KANK1: variants seen among roughly 807,000 people sequenced by gnomAD.
The protein encoded by KANK1 is KN motif and ankyrin repeat domains 1.
In KANK1, 109 loss-of-function variants were observed where a neutral mutation model predicts 106.2. The ratio of observed to expected loss-of-function variants is 1.03; its 90% CI spans 0.88 to 1.20. KANK1 has a LOEUF of 1.20. Ranked by LOEUF, KANK1 falls within the 50% of genes most tolerant of loss-of-function variation. The pLI, the probability that KANK1 is intolerant of heterozygous loss-of-function variation, is 0.00. For synonymous variants in KANK1, 873 were observed against 652.2 expected, an observed-to-expected ratio of 1.34 and a Z score of -5.16; for missense variants, 2,399 against 1,710.7, an observed-to-expected ratio of 1.40 and a Z score of -7.10.
intron 7 of KANK1, chr9:735,849 G>T (rs1330143056): frequency 1.2e-5 from 4 of 324,798 alleles, no homozygotes; most frequent in African/African-American, 2.1e-5. Flanking sequence ...CAAAAAGTTA[G>T]CCAGGCATGG....
chr9:619,556 C>T (rs544887663), intron 1 of KANK1, among the ~76,000 whole-genome samples: 2 of 152,098 alleles, frequency 1.3e-5, no homozygotes, highest in African/African-American at 4.8e-5. Flanking sequence ...ACCAGTTTTG[C>T]TACTGTATAA....
intron 1 of KANK1, among the ~76,000 whole-genome samples, chr9:621,599 T>C (rs1588324522): frequency 6.6e-6 from 1 of 152,220 alleles, no homozygotes; most frequent in Non-Finnish European, 1.5e-5. Context: ...CTTTGTTTTC[T>C]AAGTCTGAAA....
At chr9:543,051 G>A (rs953631993) in intron 1 of KANK1, among the ~76,000 whole-genome samples, 5 of 152,196 alleles carry the variant, frequency 3.3e-5, no homozygotes, top group African/African-American at 7.2e-5. Flanking sequence ...AAATAAGTGC[G>A]AGGTGGGTAT....
chr9:717,540 A>G (rs1436258785), intron 3 of KANK1, among the ~76,000 whole-genome samples: 1 of 152,146 alleles, frequency 6.6e-6, no homozygotes, highest in East Asian at 1.9e-4. Context: ...CTTGGTTTTG[A>G]TGGAATTGGA....
chr9:634,557 A>G (rs995108378), intron 1 of KANK1, among the ~76,000 whole-genome samples: 1 of 152,210 alleles, frequency 6.6e-6, no homozygotes, highest in Admixed American at 6.5e-5. Context: ...TGTTAGCAGA[A>G]TTCAGGCCCC....
chr9:633,108 T>G (rs946241465), intron 1 of KANK1, among the ~76,000 whole-genome samples: 2 of 152,172 alleles, frequency 1.3e-5, no homozygotes, highest in African/African-American at 2.4e-5. Context: ...CTACACTCAC[T>G]TTTAGTGCCC....
chr9:663,290 A>C (rs1308623235), intron 1 of KANK1, among the ~76,000 whole-genome samples: 1 of 152,234 alleles, frequency 6.6e-6, no homozygotes, highest in Non-Finnish European at 1.5e-5. Context: ...AAAAGCACTG[A>C]TGTTTTAGTT....
intron 1 of KANK1, among the ~76,000 whole-genome samples, chr9:644,664 C>T (rs1241872308): frequency 1.3e-5 from 2 of 150,790 alleles, no homozygotes; most frequent in Non-Finnish European, 2.9e-5. Context: ...GAGAACTCTG[C>T]CCCCATGATC....
intron 1 of KANK1, among the ~76,000 whole-genome samples, chr9:578,341 G>C (rs1452570822): frequency 6.6e-6 from 1 of 152,032 alleles, no homozygotes; most frequent in Admixed American, 6.6e-5. Context: ...GTGTGTGTGT[G>C]TGTGTGTGTG....
In KANK1 at chr9:521,854, C is replaced by T. The variant is rs536456139; in HGVS notation, c.-84+17100C>T. Among the ~76,000 whole-genome samples, 15 of 151,782 alleles carry T rather than the reference C, an allele frequency of 9.9e-5. No individual in the cohort carries two copies. In the South Asian group the frequency reaches 2.3e-3, roughly 23 times the overall value. On this transcript the variant is annotated intron_variant, in intron 1 of 11. Transcript: ENST00000382297. ...AAGTGCTGGGATTACAGGCATGAGC[C>T]ACTGTGCCTGGCTCAGATTCTTTTA...
chr9:515,497 C>G (rs2059243768), intron 1 of KANK1, among the ~76,000 whole-genome samples: 1 of 151,572 alleles, frequency 6.6e-6, no homozygotes, highest in African/African-American at 2.4e-5. Flanking sequence ...GAATTTACTT[C>G]TAATAAAAAT....
At chr9:530,295 C>G (rs2059998612) in intron 1 of KANK1, among the ~76,000 whole-genome samples, 1 of 152,060 alleles carries the variant, frequency 6.6e-6, no homozygotes, top group Non-Finnish European at 1.5e-5. Context: ...AAGGCGTTCC[C>G]CATCTTAAAA....
chr9:618,130 A>T (rs1259647145), intron 1 of KANK1, among the ~76,000 whole-genome samples: 1 of 152,222 alleles, frequency 6.6e-6, no homozygotes, highest in Non-Finnish European at 1.5e-5. Context: ...CAAGAACAAA[A>T]TATACAGGTT....
Position 711,922 on chromosome 9 carries a change from T to A in KANK1, c.1156T>A (p.Cys386Ser). The stretch of plus-strand genomic sequence containing the variant: ...GGAGCAGAAGATCCAGGACAGCAGC[T>A]GTGAGGCCTCCTCAGAGCTCAGGGA... ...ALEQKIQDSS[C>S]EASSELRENG... Residue 386 changes from cysteine to serine, a missense_variant, in exon 3 of 12, where the codon TGT becomes AGT. Cys to Ser is a moderately radical substitution (Grantham distance 112). Transcript: ENST00000382297. 1 of 1,614,184 alleles carries A rather than the reference T, an allele frequency of 6.2e-7. No individual in the cohort carries two copies. Among genetic ancestry groups the A allele is most frequent in the Non-Finnish European group, 8.5e-7 (1 of 1,180,034 alleles).
At chr9:635,252 G>T in intron 1 of KANK1, among the ~76,000 whole-genome samples, 1 of 152,042 alleles carries the variant, frequency 6.6e-6, no homozygotes, top group Non-Finnish European at 1.5e-5. Context: ...TGCCCCTCTA[G>T]ATTTTAGGTA....
At chr9:625,412 GT>G (rs1320035960) in intron 1 of KANK1, among the ~76,000 whole-genome samples, 1 of 152,122 alleles carries the variant, frequency 6.6e-6, no homozygotes, top group Non-Finnish European at 1.5e-5. Context: ...CTTGTTTCCA[GT>G]TTTCCAGAAA....
chr9:712,597 A>G lies in KANK1; in HGVS notation c.1831A>G (p.Asn611Asp). Residue 611 changes from asparagine (N) to aspartate (D), a missense_variant, in exon 3 of 12, where the codon AAC (asparagine) becomes GAC (aspartate). Transcript: ENST00000382297. ...ETGSNTEESVNDLTLLKTNLN... is the reference protein window; with the variant it reads ...ETGSNTEESVDDLTLLKTNLN... ...AGGCAGCAACACAGAGGAGTCTGTG[A>G]ACGACCTCACACTCCTCAAGACAAA... 6.2e-7 allele frequency: 1 copy of G among 1,614,132 alleles called. No individual in the cohort carries two copies. The highest frequency in any genetic ancestry group is 8.5e-7 in the Non-Finnish European group (1 of 1,180,016).
At chr9:731,443 T>G (rs1320609632) in intron 5 of KANK1, 177 bp downstream of exon 5, 4 of 498,984 alleles carry the variant, frequency 8.0e-6, no homozygotes, top group African/African-American at 7.8e-5. Context: ...GGTGCTGTCT[T>G]TAAGGATTTG....
intron 2 of KANK1, among the ~76,000 whole-genome samples, chr9:703,760 G>A (rs1364816034): frequency 6.6e-6 from 1 of 151,624 alleles, no homozygotes; most frequent in Non-Finnish European, 1.5e-5. Flanking sequence ...CACCCAGGCT[G>A]GAATGCAGTG....
Sources: gnomAD v4.1 joint callset for allele counts (sites outside exome capture counted in the v4.1 genomes callset) on GRCh38, gnomAD v4.1.1 for gene constraint, MANE v1.5 for transcripts, NCBI Gene and HGNC (gene_info 2026-07-23, HGNC 2026-07-21) for gene names.